Variants in MAML2 observed in about 807,000 individuals in gnomAD.
MAML2 encodes the protein mastermind-like protein 2.
A neutral mutation model predicts 96.1 loss-of-function variants in MAML2; 22 were observed. The ratio of observed to expected loss-of-function variants is 0.23; its 90% CI spans 0.16 to 0.33. The LOEUF is 0.33. Among genes scored for constraint, MAML2 ranks in the 10% least tolerant of loss-of-function variants. The pLI is 1.00. For synonymous variants in MAML2, 561 were observed against 521.3 expected, an observed-to-expected ratio of 1.08 and a Z score of -1.04; for missense variants, 1,367 against 1,392.4, an observed-to-expected ratio of 0.98 and a Z score of 0.29.
Position 96,091,902 on chromosome 11 carries a change from T to C in MAML2, c.2129A>G (p.Gln710Arg), listed in dbSNP as rs768582357. 3.1e-6 allele frequency: 5 copies of C among 1,613,136 alleles called. No individual in the cohort carries two copies. The South Asian group carries it at 5.5e-5, about 18-fold the overall frequency. ...TAGTAGAGCCCTTACCTGTCTCTGTTGTTGGGAGACTTGGTATCCCATTCC... is the reference window on the plus strand; with the variant it reads ...TAGTAGAGCCCTTACCTGTCTCTGTCGTTGGGAGACTTGGTATCCCATTCC... ...IAGMGYQVSQ[Q>R]QRQDQHSVVG... Residue 710 changes from glutamine to arginine, a missense_variant, in exon 2 of 5, where the codon CAA becomes CGA. Coordinates refer to ENST00000524717, the MANE Select transcript of MAML2 (RefSeq NM_032427.4).
At position 95,977,440 on chromosome 11, in the gene MAML2, CT is replaced by C; in HGVS notation, c.*1507del. On this transcript the variant is annotated 3_prime_UTR_variant, in exon 5 of 5. Transcript: ENST00000524717. ...CTTTGCAGAATTTTCAAAGTGTGTT[CT>C]TTTTCTTTGAACAGATATTGAAAGA... The C allele has an allele frequency of 5.2e-6, 1 of 190,884 alleles. No homozygotes were observed. The allele number at this position is 190,884 out of a possible 1,614,324, so 11.8% of individuals were successfully genotyped here.
intron 1 of MAML2, among the ~76,000 whole-genome samples, chr11:96,264,995 T>C (rs1862806633): frequency 6.6e-6 from 1 of 152,178 alleles, no homozygotes; most frequent in African/African-American, 2.4e-5. Flanking sequence ...GGTCAGGAAT[T>C]ACCAATACTG....
intron 1 of MAML2, among the ~76,000 whole-genome samples, chr11:96,263,359 C>G (rs1862777961): frequency 2.0e-5 from 3 of 152,198 alleles, no homozygotes; most frequent in African/African-American, 7.2e-5. Flanking sequence ...TTGGAATAAA[C>G]AGACTGAATC....
chr11:96,083,396 G>C (rs1464022441), intron 2 of MAML2, among the ~76,000 whole-genome samples: 2 of 152,120 alleles, frequency 1.3e-5, no homozygotes, highest in Non-Finnish European at 2.9e-5. Flanking sequence ...TTATCCGTAT[G>C]ATTTCCCCAG....
intron 2 of MAML2, among the ~76,000 whole-genome samples, chr11:96,071,980 CA>C (rs1859352252): frequency 6.6e-6 from 1 of 152,142 alleles, no homozygotes; most frequent in African/African-American, 2.4e-5. Flanking sequence ...ATTGTTGAGC[CA>C]AATATACCAT....
chr11:96,055,540 G>T (rs1054828030), intron 2 of MAML2, among the ~76,000 whole-genome samples: 1 of 152,164 alleles, frequency 6.6e-6, no homozygotes, highest in African/African-American at 2.4e-5. Context: ...TGAAAAGATG[G>T]GTGTGATTGA....
chr11:96,292,602 C>T (rs749508667), intron 1 of MAML2, among the ~76,000 whole-genome samples: 1 of 152,200 alleles, frequency 6.6e-6, no homozygotes, highest in African/African-American at 2.4e-5. Context: ...TCTTCTCTAC[C>T]ATGTCTCTCC....
chr11:96,287,182 G>A (rs544478614), intron 1 of MAML2, among the ~76,000 whole-genome samples: 6 of 152,318 alleles, frequency 3.9e-5, no homozygotes, highest in Admixed American at 3.3e-4. Context: ...GTTATTATAA[G>A]AGCATTACAT....
At chr11:96,235,932 T>C (rs1181149640) in intron 1 of MAML2, among the ~76,000 whole-genome samples, 1 of 152,188 alleles carries the variant, frequency 6.6e-6, no homozygotes, top group Non-Finnish European at 1.5e-5. Context: ...GCAGCACATC[T>C]GCCCACTGCA....
In MAML2 at chr11:95,978,665, A is replaced by G. The variant is rs1857684589; in HGVS notation, c.*283T>C. 1 of 347,244 alleles carries G rather than the reference A, an allele frequency of 2.9e-6. No individual in the cohort carries two copies. Among genetic ancestry groups the G allele is most frequent in the South Asian group, 8.3e-5 (1 of 12,088 alleles). The allele number at this position is 347,244 out of a possible 1,614,324, so 21.5% of individuals were successfully genotyped here. On this transcript the variant is annotated 3_prime_UTR_variant, in exon 5 of 5. Transcript: ENST00000524717. ...AAACTTGGGAAGGCTATTTTACACA[A>G]TTAATTACACATTGACACCACAGTT... is the stretch of plus-strand genomic sequence containing the variant.
intron 2 of MAML2, among the ~76,000 whole-genome samples, chr11:96,027,650 C>T (rs964778540): frequency 2.0e-5 from 3 of 152,080 alleles, no homozygotes; most frequent in African/African-American, 7.2e-5. Flanking sequence ...TCCTCAGTCA[C>T]GGAGGAGGGC....
chr11:96,271,794 A>G (rs761371828), intron 1 of MAML2, among the ~76,000 whole-genome samples: 16 of 152,126 alleles, frequency 1.1e-4, no homozygotes, highest in Non-Finnish European at 2.1e-4. Context: ...TACACTTCCC[A>G]TCTAATTCAG....
chr11:96,171,746 T>A (rs1861301045), intron 1 of MAML2, among the ~76,000 whole-genome samples: 1 of 152,202 alleles, frequency 6.6e-6, no homozygotes, highest in Admixed American at 6.5e-5. Context: ...GAATGGCAGA[T>A]GCCAAGGGAT....
chr11:96,145,696 T>C (rs1565228222), intron 1 of MAML2, among the ~76,000 whole-genome samples: 1 of 152,166 alleles, frequency 6.6e-6, no homozygotes, highest in Non-Finnish European at 1.5e-5. Flanking sequence ...AAAATCATGA[T>C]GTGTGAGGGC....
rs779896041 is a variant in MAML2 at position 95,985,565 on chromosome 11, A to G, written c.2421T>C (p.Asn807=). The change falls in exon 4 of 5, where the codon AAT becomes AAC. Residue 807 remains asparagine (N), a synonymous_variant. Transcript: ENST00000524717. The part of the protein sequence containing the change: ...PPPDYKDQRR[N]VGNMQPTAQY... The stretch of plus-strand genomic sequence containing the variant: ...GAGCAGTTGGTTGCATATTGCCCAC[A>G]TTTCTTCTTTGGTCTTTATAATCTG... 1 of 1,612,318 alleles carries G rather than the reference A, an allele frequency of 6.2e-7. No homozygotes were observed. The highest frequency in any genetic ancestry group is 1.7e-5 in the Admixed American group (1 of 59,930).
intron 1 of MAML2, among the ~76,000 whole-genome samples, chr11:96,159,404 ATTCTTTTTTTT>A (rs1329444245): frequency 8.1e-5 from 5 of 62,000 alleles, no homozygotes; most frequent in South Asian, 5.9e-4. Flanking sequence ...TAAACCACTG[ATTCTTTTTTTT>A]TTTTTTTTTT....
chr11:96,202,245 G>C (rs1861836125), intron 1 of MAML2, among the ~76,000 whole-genome samples: 1 of 148,118 alleles, frequency 6.8e-6, no homozygotes, highest in African/African-American at 2.5e-5. Context: ...CAGCTACTCA[G>C]GAGGCTGAGG....
chr11:96,021,246 C>A (rs1858431078), intron 2 of MAML2, among the ~76,000 whole-genome samples: 1 of 152,192 alleles, frequency 6.6e-6, no homozygotes, highest in African/African-American at 2.4e-5. Flanking sequence ...GAAGGAAGGA[C>A]TGTATCTGGT....
At chr11:95,985,497 G>T (rs1369961277) in intron 4 of MAML2, 34 bp downstream of exon 4, 2 of 1,295,490 alleles carry the variant, frequency 1.5e-6, no homozygotes, top group Non-Finnish European at 2.2e-6. Flanking sequence ...TCCTTTCACA[G>T]CTATAATTTT....
Sources: allele counts gnomAD v4.1 joint callset (sites outside exome capture counted in the v4.1 genomes callset), GRCh38; gene constraint gnomAD v4.1.1; transcripts MANE v1.5; gene names NCBI Gene and HGNC (gene_info 2026-07-23, HGNC 2026-07-21).